Variants in DPF3 observed in about 807,000 individuals in gnomAD.
The protein encoded by DPF3 is double PHD fingers 3, also known as zinc finger protein DPF3.
DPF3 carries 18 observed loss-of-function variants against 56.8 expected under a neutral mutation model. That is an observed-to-expected ratio of 0.32 (90% CI 0.22 to 0.47). DPF3 has a LOEUF of 0.47. Among genes scored for constraint, DPF3 ranks in the 20% least tolerant of loss-of-function variants. DPF3 has a pLI of 1.00. For missense variants in DPF3, 403 were observed against 488.8 expected, an observed-to-expected ratio of 0.82 and a Z score of 1.65; for synonymous variants, 188 against 180.2, an observed-to-expected ratio of 1.04 and a Z score of -0.35.
At chr14:72,769,762 T>C (rs1891443824) in intron 2 of DPF3, among the ~76,000 whole-genome samples, 1 of 149,228 alleles carries the variant, frequency 6.7e-6, no homozygotes, top group Admixed American at 6.7e-5. Context: ...CTCATAAGAA[T>C]AATAGCTACA....
At chr14:72,893,392 G>C (rs918847957) in intron 1 of DPF3, among the ~76,000 whole-genome samples, 1 of 152,150 alleles carries the variant, frequency 6.6e-6, no homozygotes, top group African/African-American at 2.4e-5. Flanking sequence ...CGCCCGGAGC[G>C]CCTCCGAGAT....
chr14:72,738,352 G>A (rs541810118), intron 3 of DPF3, among the ~76,000 whole-genome samples: 2 of 152,136 alleles, frequency 1.3e-5, no homozygotes, highest in African/African-American at 4.8e-5. Context: ...AGAATCTCAG[G>A]ATATCCATAT....
chr14:72,794,668 G>T (rs975958918), intron 1 of DPF3, among the ~76,000 whole-genome samples: 11 of 152,190 alleles, frequency 7.2e-5, no homozygotes, highest in African/African-American at 2.4e-4. Context: ...TATTCCACAG[G>T]ACAGGTAGAA....
At chr14:72,726,665 T>C (rs189578776) in intron 4 of DPF3, among the ~76,000 whole-genome samples, 5 of 152,298 alleles carry the variant, frequency 3.3e-5, no homozygotes, top group African/African-American at 1.2e-4. Flanking sequence ...GGGGGAGTCC[T>C]GCATCAGGAG....
chr14:72,687,255 C>A (rs925513343), intron 7 of DPF3, among the ~76,000 whole-genome samples: 1 of 152,164 alleles, frequency 6.6e-6, no homozygotes, highest in African/African-American at 2.4e-5. Context: ...CCTAGAAGAA[C>A]CCATCTTCAA....
intron 1 of DPF3, among the ~76,000 whole-genome samples, chr14:72,860,412 T>C (rs1349621545): frequency 2.0e-5 from 3 of 152,124 alleles, no homozygotes; most frequent in African/African-American, 7.2e-5. Flanking sequence ...CTTGAACTCC[T>C]ATGCTCAAGC....
At position 72,753,368 on chromosome 14, in the gene DPF3, AGG is replaced by A; in HGVS notation, c.195_196del (p.Leu66CysfsTer23). On this transcript the variant is annotated frameshift_variant and splice_region_variant, in exon 3 of 11. Coordinates refer to ENST00000556509, the MANE Select transcript of DPF3 (RefSeq NM_001280542.3). LOFTEE classifies it high-confidence loss of function. ...GTATGTATACAGCTGGCCCGGGGCA[AGG>A]CCTGTGGACAGAGACAATATAAAGA... The A allele has an allele frequency of 6.2e-7, 1 of 1,610,386 alleles. No individual in the cohort carries two copies. The highest frequency in any genetic ancestry group is 8.5e-7 in the Non-Finnish European group (1 of 1,179,142).
intron 1 of DPF3, among the ~76,000 whole-genome samples, chr14:72,800,511 T>C (rs1892837185): frequency 6.6e-6 from 1 of 151,812 alleles, no homozygotes; most frequent in Admixed American, 6.6e-5. Context: ...GATGCATGGA[T>C]GGATGGATGG....
intron 8 of DPF3, 52 bp from the exon 9 acceptor site, chr14:72,629,788 C>A (rs1885059326): frequency 7.4e-7 from 1 of 1,347,788 alleles, no homozygotes; most frequent in South Asian, 1.2e-5. Context: ...AACTGCCACC[C>A]CTCAACACCA....
At chr14:72,874,931 C>G (rs1033334720) in intron 1 of DPF3, among the ~76,000 whole-genome samples, 4 of 152,162 alleles carry the variant, frequency 2.6e-5, no homozygotes, top group Admixed American at 2.0e-4. Context: ...ATACCTGAGA[C>G]TGGGAAGAAA....
At chr14:72,778,623 A>C (rs1260751087) in intron 1 of DPF3, among the ~76,000 whole-genome samples, 4 of 152,182 alleles carry the variant, frequency 2.6e-5, no homozygotes, top group African/African-American at 9.7e-5. Flanking sequence ...TCGGTGGAAA[A>C]ATGATCTTCC....
chr14:72,714,622 A>T, intron 5 of DPF3, 121 bp from the exon 6 acceptor site: 2 of 1,096,998 alleles, frequency 1.8e-6, no homozygotes, highest in Non-Finnish European at 2.6e-6. Context: ...CACCAGTCCC[A>T]TCTTACAGGG....
At chr14:72,881,449 T>G (rs1886320970) in intron 1 of DPF3, among the ~76,000 whole-genome samples, 1 of 152,072 alleles carries the variant, frequency 6.6e-6, no homozygotes, top group Non-Finnish European at 1.5e-5. Flanking sequence ...AGGCCAACAC[T>G]GGGTATTCTC....
chr14:72,875,448 A>G (rs950850088), intron 1 of DPF3, among the ~76,000 whole-genome samples: 3 of 152,200 alleles, frequency 2.0e-5, no homozygotes, highest in Non-Finnish European at 4.4e-5. Flanking sequence ...AGCACTTTAC[A>G]TACATTAACT....
intron 3 of DPF3, among the ~76,000 whole-genome samples, chr14:72,732,766 G>A (rs1267266216): frequency 6.6e-6 from 1 of 152,176 alleles, no homozygotes; most frequent in Non-Finnish European, 1.5e-5. Context: ...TCCTCCAGGT[G>A]TCCCAAACTC....
chr14:72,625,331 T>C (rs1884760376), intron 9 of DPF3, among the ~76,000 whole-genome samples: 1 of 152,208 alleles, frequency 6.6e-6, no homozygotes, highest in Admixed American at 6.5e-5. Context: ...TATAACCTAA[T>C]AATGTCATTA....
intron 6 of DPF3, among the ~76,000 whole-genome samples, chr14:72,709,103 G>T (rs1888543978): frequency 6.6e-6 from 1 of 152,242 alleles, no homozygotes; most frequent in Non-Finnish European, 1.5e-5. Flanking sequence ...AGAGACCCTA[G>T]ACCCTATTCT....
At chr14:72,770,917 G>A (rs907291383) in intron 2 of DPF3, among the ~76,000 whole-genome samples, 2 of 152,126 alleles carry the variant, frequency 1.3e-5, no homozygotes, top group African/African-American at 2.4e-5. Context: ...AGTGGCTCAC[G>A]CCTGTAATCC....
chr14:72,698,749 A>G (rs555564468), intron 6 of DPF3, among the ~76,000 whole-genome samples: 1 of 152,336 alleles, frequency 6.6e-6, no homozygotes, highest in East Asian at 1.9e-4. Flanking sequence ...GGTGTAAGAC[A>G]TGCATTTTCG....
Sources: allele counts gnomAD v4.1 joint callset (sites outside exome capture counted in the v4.1 genomes callset), GRCh38; gene constraint gnomAD v4.1.1; transcripts MANE v1.5; gene names NCBI Gene and HGNC (gene_info 2026-07-23, HGNC 2026-07-21).